Variants in CNTN5 observed in about 807,000 individuals in gnomAD.
CNTN5 encodes contactin 5, also known as contactin-5.
A neutral mutation model predicts 129.1 loss-of-function variants in CNTN5; 77 were observed. That is an observed-to-expected ratio of 0.60 (90% CI 0.50 to 0.72). CNTN5 has a LOEUF of 0.72. CNTN5 is among the 30% of genes least tolerant of loss of function. The probability of loss-of-function intolerance (pLI) is 0.00; values close to 1 mark genes in which losing one functional copy is unlikely to be tolerated. For missense variants in CNTN5, 1,478 were observed against 1,328.8 expected (o/e 1.11, Z -1.75); for synonymous variants, 509 against 465.6 (o/e 1.09, Z -1.20).
intron 1 of CNTN5, among the ~76,000 whole-genome samples, chr11:99,320,188 G>A (rs1383001481): frequency 6.6e-6 from 1 of 152,154 alleles, no homozygotes; most frequent in Non-Finnish European, 1.5e-5. Flanking sequence ...TTTGCAGTGA[G>A]CTGAGATTAC....
intron 2 of CNTN5, among the ~76,000 whole-genome samples, chr11:99,423,131 A>G (rs1405182745): frequency 6.6e-6 from 1 of 152,184 alleles, no homozygotes; most frequent in Admixed American, 6.5e-5. Flanking sequence ...ATGTCTTTTC[A>G]AGATGAACAA....
chr11:99,615,412 T>C (rs1232207515), intron 3 of CNTN5, among the ~76,000 whole-genome samples: 1 of 152,146 alleles, frequency 6.6e-6, no homozygotes, highest in Non-Finnish European at 1.5e-5. Flanking sequence ...TTAAGAAGAA[T>C]TTTTATTGAA....
chr11:99,899,226 T>C (rs1453587), intron 6 of CNTN5, among the ~76,000 whole-genome samples: 1 of 151,978 alleles, frequency 6.6e-6, no homozygotes, highest in African/African-American at 2.4e-5. Flanking sequence ...TTTCTTTCTC[T>C]TACGTGATAG....
At chr11:99,058,075 G>A (rs577128625) in intron 1 of CNTN5, among the ~76,000 whole-genome samples, 4 of 152,026 alleles carry the variant, frequency 2.6e-5, no homozygotes, top group South Asian at 4.1e-4. Context: ...AGTGAGTATT[G>A]TGGTTTGGGG....
chr11:100,353,397 G>A (rs1032332032), intron 24 of CNTN5, among the ~76,000 whole-genome samples: 1 of 151,554 alleles, frequency 6.6e-6, no homozygotes, highest in Non-Finnish European at 1.5e-5. Flanking sequence ...GTCTAATGTT[G>A]CTCTTTCTGT....
At chr11:99,222,841 T>G (rs985954824) in intron 1 of CNTN5, among the ~76,000 whole-genome samples, 4 of 152,318 alleles carry the variant, frequency 2.6e-5, no homozygotes, top group African/African-American at 9.6e-5. Flanking sequence ...TCTTAATAAC[T>G]GTTTTGATTG....
At chr11:99,473,595 A>G (rs1286751872) in intron 2 of CNTN5, among the ~76,000 whole-genome samples, 1 of 151,998 alleles carries the variant, frequency 6.6e-6, no homozygotes, top group Non-Finnish European at 1.5e-5. Flanking sequence ...CCTGTTCTCA[A>G]CTTAAAGATT....
At chr11:99,323,125 T>A (rs2136002035) in intron 1 of CNTN5, among the ~76,000 whole-genome samples, 1 of 152,282 alleles carries the variant, frequency 6.6e-6, no homozygotes, top group Non-Finnish European at 1.5e-5. Flanking sequence ...ACTTTCAGTT[T>A]AGGAATAATT....
intron 1 of CNTN5, among the ~76,000 whole-genome samples, chr11:99,274,631 A>G (rs1198238190): frequency 1.3e-5 from 2 of 151,604 alleles, no homozygotes; most frequent in African/African-American, 2.4e-5. Context: ...TTAGTATATC[A>G]ATAAAAACTA....
intron 1 of CNTN5, among the ~76,000 whole-genome samples, chr11:99,235,643 C>T (rs569356624): frequency 6.6e-6 from 1 of 152,074 alleles, no homozygotes; most frequent in Admixed American, 6.6e-5. Flanking sequence ...AGTCTGAGTA[C>T]CTTATTTTAT....
In CNTN5 at chr11:99,656,425, C is replaced by T. The variant is rs184649489; in HGVS notation, c.55+100156C>T. On this transcript the variant is annotated intron_variant, in intron 3 of 24. Coordinates refer to ENST00000524871, the MANE Select transcript of CNTN5 (RefSeq NM_014361.4). ...TTTCTCCTGTCCAAAAACTTAAGTT[C>T]ATAGAAATGATGATGCAAAGCGCCA... 1.1e-3 allele frequency among the ~76,000 whole-genome samples: 172 copies of T among 152,148 alleles called. 2 individuals carry two copies. The highest frequency in any genetic ancestry group is 0.01 in the Admixed American group (157 of 15,256).
intron 9 of CNTN5, among the ~76,000 whole-genome samples, chr11:100,057,935 G>A (rs1591151577): frequency 6.6e-6 from 1 of 151,964 alleles, no homozygotes; most frequent in African/African-American, 2.4e-5. Flanking sequence ...GACATAAGTC[G>A]TAATATTTCC....
At chr11:100,337,374 G>A (rs1229684224) in intron 21 of CNTN5, 1 of 802,822 alleles carries the variant, frequency 1.2e-6, no homozygotes, top group Non-Finnish European at 2.2e-6. Flanking sequence ...CGAACAGCCA[G>A]CCCTCAGCAG....
In CNTN5 at chr11:100,021,856, C is replaced by T. The variant is rs573073000; in HGVS notation, c.980+19720C>T. On this transcript the variant is annotated intron_variant, in intron 9 of 24. Coordinates refer to ENST00000524871, the MANE Select transcript of CNTN5 (RefSeq NM_014361.4). The stretch of plus-strand genomic sequence containing the variant: ...GCCCAAGAGCCCCTGGCAAACCACT[C>T]GTGTAGGAACAAGAGTTAAAAAGCC... Among the ~76,000 whole-genome samples, 63 of 152,240 alleles carry T rather than the reference C, an allele frequency of 4.1e-4. No individual in the cohort carries two copies. In the South Asian group the frequency reaches 0.013, roughly 31 times the overall value.
intron 3 of CNTN5, among the ~76,000 whole-genome samples, chr11:99,739,888 AG>A (rs1178910453): frequency 6.6e-6 from 1 of 152,140 alleles, no homozygotes; most frequent in African/African-American, 2.4e-5. Flanking sequence ...AGCTGGCACA[AG>A]GGACTAGGTG....
At chr11:99,920,683 A>G (rs1243263375) in intron 7 of CNTN5, among the ~76,000 whole-genome samples, 1 of 152,164 alleles carries the variant, frequency 6.6e-6, no homozygotes, top group East Asian at 1.9e-4. Context: ...TGGTCCATAG[A>G]CAACTTCTTG....
intron 3 of CNTN5, among the ~76,000 whole-genome samples, chr11:99,685,766 C>T (rs1057275725): frequency 6.6e-6 from 1 of 151,980 alleles, no homozygotes; most frequent in East Asian, 1.9e-4. Flanking sequence ...GGCTGACGGT[C>T]CTTGCATTTT....
At chr11:99,931,011 A>C (rs980889572) in intron 7 of CNTN5, among the ~76,000 whole-genome samples, 2 of 152,102 alleles carry the variant, frequency 1.3e-5, no homozygotes, top group African/African-American at 4.8e-5. Flanking sequence ...TATACTCTCA[A>C]ATTAATCAGA....
intron 13 of CNTN5, among the ~76,000 whole-genome samples, chr11:100,157,576 G>C (rs1277155845): frequency 1.3e-5 from 2 of 151,626 alleles, no homozygotes; most frequent in South Asian, 2.1e-4. Context: ...CTTTGTTTTT[G>C]TGGAGCTTGA....
Sources: gnomAD v4.1 joint callset for allele counts (sites outside exome capture counted in the v4.1 genomes callset) on GRCh38, gnomAD v4.1.1 for gene constraint, MANE v1.5 for transcripts, NCBI Gene and HGNC (gene_info 2026-07-23, HGNC 2026-07-21) for gene names.